Variants in FSIP1 observed in about 807,000 individuals in gnomAD.
FSIP1 encodes the protein fibrous sheath-interacting protein 1.
FSIP1 carries 65 observed loss-of-function variants against 60.9 expected under a neutral mutation model. That is an observed-to-expected ratio of 1.07 (90% CI 0.87 to 1.31). The LOEUF (loss-of-function observed/expected upper bound fraction) is 1.31, where lower values mean the gene tolerates loss of function less well. Among genes scored for constraint, FSIP1 ranks in the 40% most tolerant of loss-of-function variants. The pLI is 0.00. For missense variants in FSIP1, 675 were observed against 665.5 expected, an observed-to-expected ratio of 1.01 and a Z score of -0.16; for synonymous variants, 209 against 221.2, an observed-to-expected ratio of 0.94 and a Z score of 0.49.
At chr15:39,717,939 G>A (rs1054730311) in intron 9 of FSIP1, among the ~76,000 whole-genome samples, 8 of 152,216 alleles carry the variant, frequency 5.3e-5, no homozygotes, top group African/African-American at 1.2e-4. Context: ...CCGCTCAAGC[G>A]CTCACGCTGA....
chr15:39,665,210 A>C (rs1320044575), intron 10 of FSIP1, among the ~76,000 whole-genome samples: 1 of 152,168 alleles, frequency 6.6e-6, no homozygotes, highest in East Asian at 1.9e-4. Context: ...TTTTATATAC[A>C]TTCTTCCTAA....
intron 10 of FSIP1, among the ~76,000 whole-genome samples, chr15:39,646,365 A>G (rs974003833): frequency 1.3e-5 from 2 of 151,876 alleles, no homozygotes; most frequent in Non-Finnish European, 2.9e-5. Flanking sequence ...CTGGGGCCAC[A>G]GAGGTTTCCC....
intron 10 of FSIP1, among the ~76,000 whole-genome samples, chr15:39,711,355 C>T: frequency 6.6e-6 from 1 of 152,228 alleles, no homozygotes; most frequent in African/African-American, 2.4e-5. Context: ...CTCACGAGGG[C>T]TTCACTGACA....
chr15:39,611,227 C>T (rs900393429), intron 11 of FSIP1, among the ~76,000 whole-genome samples: 6 of 151,778 alleles, frequency 4.0e-5, no homozygotes, highest in Non-Finnish European at 5.9e-5. Flanking sequence ...TAAAAGTTGT[C>T]GGGGGGAGGG....
intron 5 of FSIP1, among the ~76,000 whole-genome samples, chr15:39,744,794 C>G (rs1256858444): frequency 1.1e-4 from 16 of 151,500 alleles, no homozygotes; most frequent in African/African-American, 3.6e-4. Flanking sequence ...CACACACACA[C>G]ACACACACAC....
At chr15:39,703,590 C>T (rs771555936) in intron 10 of FSIP1, among the ~76,000 whole-genome samples, 25 of 152,222 alleles carry the variant, frequency 1.6e-4, no homozygotes, top group Admixed American at 9.2e-4. Context: ...CTATCCTTAA[C>T]ATTTTCATCT....
chr15:39,738,023 G>T (rs1242442415), intron 8 of FSIP1, 68 bp downstream of exon 8: 1 of 896,032 alleles, frequency 1.1e-6, no homozygotes, highest in African/African-American at 1.7e-5. Context: ...TTATGATACT[G>T]GGCCAATAAT....
chr15:39,660,601 T>A (rs921824133), intron 10 of FSIP1, among the ~76,000 whole-genome samples: 3 of 152,202 alleles, frequency 2.0e-5, no homozygotes, highest in Non-Finnish European at 4.4e-5. Flanking sequence ...GTCCAAAAGA[T>A]AAAGTACATA....
chr15:39,727,975 A>G (rs1448355632), intron 8 of FSIP1, among the ~76,000 whole-genome samples: 1 of 152,180 alleles, frequency 6.6e-6, no homozygotes, highest in African/African-American at 2.4e-5. Flanking sequence ...AATCAATAAC[A>G]TTTCTATATA....
At chr15:39,640,786 C>T (rs997570144) in intron 10 of FSIP1, among the ~76,000 whole-genome samples, 20 of 151,716 alleles carry the variant, frequency 1.3e-4, no homozygotes, top group African/African-American at 4.6e-4. Context: ...ACAGAACTGC[C>T]GGTTGGTTAC....
At chr15:39,737,446 C>G (rs1479077933) in intron 8 of FSIP1, among the ~76,000 whole-genome samples, 1 of 152,130 alleles carries the variant, frequency 6.6e-6, no homozygotes, top group Non-Finnish European at 1.5e-5. Flanking sequence ...TGAAATACCA[C>G]AAAACCAGTT....
intron 10 of FSIP1, among the ~76,000 whole-genome samples, chr15:39,690,103 A>G (rs1894537112): frequency 6.6e-6 from 1 of 152,236 alleles, no homozygotes; most frequent in Admixed American, 6.5e-5. Context: ...AGTGGCATAA[A>G]GAAGGTTTGT....
At chr15:39,716,847 G>A (rs4924382) in intron 9 of FSIP1, among the ~76,000 whole-genome samples, 3 of 119,224 alleles carry the variant, frequency 2.5e-5, no homozygotes, top group African/African-American at 3.3e-5. Flanking sequence ...ACGGAGTCTC[G>A]CTCTGTTGCC....
At chr15:39,640,772 G>A (rs72725098) in intron 10 of FSIP1, among the ~76,000 whole-genome samples, 59,219 of 150,890 alleles carry the variant, frequency 0.39, 13,928 homozygotes, top group African/African-American at 0.67. Context: ...ATTGGAAGGA[G>A]AGTACAGAAC....
At chr15:39,599,601 T>A (rs1359495366), downstream of FSIP1, 1 of 148,046 alleles carries the variant, frequency 6.8e-6, no homozygotes, top group Non-Finnish European at 1.5e-5. Flanking sequence ...AAAGCATAGA[T>A]TTAGAAAGCT....
chr15:39,682,948 C>T (rs1378913330), intron 10 of FSIP1, among the ~76,000 whole-genome samples: 2 of 152,230 alleles, frequency 1.3e-5, no homozygotes, highest in East Asian at 3.9e-4. Flanking sequence ...CGAAGATGCC[C>T]AGAGATGATT....
intron 10 of FSIP1, among the ~76,000 whole-genome samples, chr15:39,707,405 A>C (rs1355336403): frequency 2.0e-5 from 3 of 152,104 alleles, no homozygotes; most frequent in Non-Finnish European, 4.4e-5. Flanking sequence ...GTAAGTAGAG[A>C]ACATTCAAAC....
rs185996700 is a variant in FSIP1 at position 39,765,795 on chromosome 15, A to G, written c.311-49T>C. 338 of 1,081,344 alleles carry G rather than the reference A, an allele frequency of 3.1e-4. 1 individual carries two copies. The highest frequency in any genetic ancestry group is 4.2e-4 in the Non-Finnish European group (318 of 753,780). 67.0% of individuals were successfully genotyped at this position (1,081,344 alleles called of 1,614,324 possible). ...TAGGTTTGAAGTATAGTAAAACTAT[A>G]AAGTTTTGTTTTGTTCTTACAATTT... On this transcript the variant is annotated intron_variant, in intron 3 of 11. Coordinates refer to ENST00000350221, the MANE Select transcript of FSIP1 (RefSeq NM_152597.5).
chr15:39,739,634 A>C (rs377061239), intron 7 of FSIP1, 31 bp downstream of exon 7: 1 of 1,573,718 alleles, frequency 6.4e-7, no homozygotes, highest in South Asian at 1.2e-5. Context: ...TTTAGCCCCA[A>C]ATTCTGGCTT....
Sources: allele counts gnomAD v4.1 joint callset (sites outside exome capture counted in the v4.1 genomes callset), GRCh38; gene constraint gnomAD v4.1.1; transcripts MANE v1.5; gene names NCBI Gene and HGNC (gene_info 2026-07-23, HGNC 2026-07-21).